Variants in IMMP2L observed in about 807,000 individuals in gnomAD.
IMMP2L encodes inner mitochondrial membrane peptidase subunit 2, also known as mitochondrial inner membrane protease subunit 2.
A neutral mutation model predicts 19.3 loss-of-function variants in IMMP2L; 18 were observed. The ratio of observed to expected loss-of-function variants is 0.93; its 90% CI spans 0.64 to 1.38. The LOEUF (loss-of-function observed/expected upper bound fraction) is 1.38. Among genes scored for constraint, IMMP2L ranks in the 40% most tolerant of loss-of-function variants. IMMP2L has a pLI of 0.00. For synonymous variants in IMMP2L, 76 were observed against 73.0 expected, an observed-to-expected ratio of 1.04 and a Z score of -0.21; for missense variants, 233 against 218.2, an observed-to-expected ratio of 1.07 and a Z score of -0.43.
chr7:111,007,682 CAT>C (rs1324757242), intron 3 of IMMP2L, among the ~76,000 whole-genome samples: 4 of 151,984 alleles, frequency 2.6e-5, no homozygotes, highest in African/African-American at 9.7e-5. Flanking sequence ...TGTATGTACA[CAT>C]ATAGACATGC....
At chr7:111,432,392 G>A (rs1226887496) in intron 3 of IMMP2L, among the ~76,000 whole-genome samples, 1 of 151,716 alleles carries the variant, frequency 6.6e-6, no homozygotes, top group African/African-American at 2.4e-5. Context: ...TTATCCTAGG[G>A]AAGCAAGGAT....
At chr7:111,360,394 A>G (rs948502909) in intron 3 of IMMP2L, among the ~76,000 whole-genome samples, 2 of 152,186 alleles carry the variant, frequency 1.3e-5, no homozygotes, top group African/African-American at 4.8e-5. Context: ...CCAAGTACAT[A>G]CCTGTGTGAG....
intron 3 of IMMP2L, among the ~76,000 whole-genome samples, chr7:111,430,227 A>G (rs1585066816): frequency 2.0e-5 from 3 of 152,008 alleles, no homozygotes; most frequent in East Asian, 1.9e-4. Flanking sequence ...ATTAATAACA[A>G]AGTAAAGAAA....
chr7:110,694,003 G>A (rs1338329993), intron 5 of IMMP2L, among the ~76,000 whole-genome samples: 3 of 152,092 alleles, frequency 2.0e-5, no homozygotes, highest in Non-Finnish European at 2.9e-5. Context: ...GAGGTTCTAT[G>A]TTTCCCACCT....
At position 111,414,305 on chromosome 7, in the gene IMMP2L, G is replaced by A. The variant is rs986660612; in HGVS notation, c.239+72933C>T. Among the ~76,000 whole-genome samples, 3 of 151,684 alleles carry A rather than the reference G, an allele frequency of 2.0e-5. 1 individual carries two copies. Among genetic ancestry groups the A allele is most frequent in the Non-Finnish European group, 4.4e-5 (3 of 67,996 alleles). On this transcript the variant is annotated intron_variant, in intron 3 of 5. Transcript: ENST00000405709. ...GTAGCTTCCTGAATCAACAAACTAG[G>A]GTGCATCCATGTAATCAAATATTAG... is the stretch of plus-strand genomic sequence containing the variant.
intron 3 of IMMP2L, among the ~76,000 whole-genome samples, chr7:111,134,080 CTT>C (rs1236287793): frequency 1.3e-5 from 2 of 151,916 alleles, no homozygotes; most frequent in African/African-American, 2.4e-5. Flanking sequence ...TGATTGATGT[CTT>C]TGATTTTAAG....
chr7:111,510,611 G>T (rs935890744), intron 2 of IMMP2L, among the ~76,000 whole-genome samples: 1 of 151,954 alleles, frequency 6.6e-6, no homozygotes, highest in African/African-American at 2.4e-5. Flanking sequence ...CATAACCCTG[G>T]AGACAATTTC....
At position 111,213,621 on chromosome 7, in the gene IMMP2L, A is replaced by G. The variant is rs1221163980; in HGVS notation, c.240-250056T>C. Among the ~76,000 whole-genome samples the G allele has an allele frequency of 6.6e-6, 1 of 152,046 alleles. No individual in the cohort carries two copies. The highest frequency in any genetic ancestry group is 1.9e-4 in the East Asian group (1 of 5,182). ...TTCCTCCCCTCTGAGGCCCACAAGA[A>G]CCCCAGACTCACCCAGACTCAAGAA... is the stretch of plus-strand genomic sequence containing the variant. On this transcript the variant is annotated intron_variant, in intron 3 of 5. Transcript: ENST00000405709. This position sits in a 1 kb window ranked among gnomAD's most constrained non-coding sequence, Gnocchi z 4.8.
intron 3 of IMMP2L, among the ~76,000 whole-genome samples, chr7:111,380,922 T>C (rs1263129531): frequency 6.6e-6 from 1 of 151,278 alleles, no homozygotes; most frequent in Non-Finnish European, 1.5e-5. Flanking sequence ...CTGAGTTGAT[T>C]CTAAGTGAAA....
chr7:111,390,527 A>C (rs924108383), intron 3 of IMMP2L: 2 of 152,150 alleles, frequency 1.3e-5, no homozygotes, highest in Admixed American at 1.3e-4. Flanking sequence ...GACAGGTATA[A>C]ATTTTTTTCA....
At position 110,729,944 on chromosome 7, in the gene IMMP2L, T is replaced by TAAA. The variant is rs1202649963; in HGVS notation, c.409-66226_409-66224dup. 1.6e-3 allele frequency among the ~76,000 whole-genome samples: 230 copies of TAAA among 141,116 alleles called. 1 individual carries two copies. The highest frequency in any genetic ancestry group is 5.4e-3 in the African/African-American group (218 of 40,530). The allele number at this position is 141,116 out of a possible 152,430, so 92.6% of individuals were successfully genotyped here. A position where few individuals can be genotyped will look rare whatever the true frequency, so the allele number is the denominator to read the frequency against. On this transcript the variant is annotated intron_variant, in intron 5 of 5. Coordinates refer to ENST00000405709, the MANE Select transcript of IMMP2L (RefSeq NM_032549.4). ...ATAAAAGTTGATTTTTTTTTTTTTT[T>TAAA]AAAAAGCAACGCATCTTTTATGAAG...
Position 110,757,737 on chromosome 7 carries a change from T to A in IMMP2L, c.409-94016A>T, listed in dbSNP as rs1798116288. Among the ~76,000 whole-genome samples the A allele has an allele frequency of 6.6e-6, 1 of 152,130 alleles. No individual in the cohort carries two copies. The highest frequency in any genetic ancestry group is 1.5e-5 in the Non-Finnish European group (1 of 68,012). On this transcript the variant is annotated intron_variant, in intron 5 of 5. Coordinates refer to ENST00000405709, the MANE Select transcript of IMMP2L (RefSeq NM_032549.4). The surrounding 1 kb of genome is among the most constrained non-coding windows in gnomAD (Gnocchi z 4.2). ...ACTCCCTCTGCTCCCTGCCCATACC[T>A]TTGTTAAATCTTTCTTAAATTTTTC...
At chr7:110,927,764 A>C (rs1301946486) in intron 4 of IMMP2L, among the ~76,000 whole-genome samples, 2 of 152,108 alleles carry the variant, frequency 1.3e-5, no homozygotes, top group African/African-American at 2.4e-5. Flanking sequence ...GAGTAAGATA[A>C]TAAATTTGTA....
chr7:111,533,137 G>C (rs1847557509), intron 1 of IMMP2L, among the ~76,000 whole-genome samples: 1 of 152,132 alleles, frequency 6.6e-6, no homozygotes, highest in African/African-American at 2.4e-5. Flanking sequence ...AGCTCATCCT[G>C]AGTGGCCTGG....
chr7:111,536,875 TATTA>T (rs1337279203), intron 1 of IMMP2L, among the ~76,000 whole-genome samples: 6 of 152,160 alleles, frequency 3.9e-5, no homozygotes, highest in African/African-American at 1.4e-4. Context: ...TACAATGTTT[TATTA>T]ATTATCATTA....
At chr7:111,424,877 C>G (rs542955051) in intron 3 of IMMP2L, among the ~76,000 whole-genome samples, 1 of 151,782 alleles carries the variant, frequency 6.6e-6, no homozygotes, top group South Asian at 2.1e-4. Context: ...TGTTGACTAC[C>G]AGGCAAAATT....
chr7:110,775,870 C>A (rs1311637668), intron 5 of IMMP2L, among the ~76,000 whole-genome samples: 1 of 151,654 alleles, frequency 6.6e-6, no homozygotes, highest in Non-Finnish European at 1.5e-5. Context: ...TATTCCATGC[C>A]CACGCATTAC....
At chr7:111,211,627 T>G (rs1000506593) in intron 3 of IMMP2L, among the ~76,000 whole-genome samples, 2 of 152,144 alleles carry the variant, frequency 1.3e-5, no homozygotes, top group African/African-American at 4.8e-5. Context: ...TGGGGATTAT[T>G]TGAACACAAA....
chr7:111,351,960 C>T (rs1251560562), intron 3 of IMMP2L, among the ~76,000 whole-genome samples: 1 of 152,164 alleles, frequency 6.6e-6, no homozygotes, highest in Non-Finnish European at 1.5e-5. Context: ...AAAAGATGTT[C>T]ATCTACTTAA....
Sources: allele counts gnomAD v4.1 joint callset (sites outside exome capture counted in the v4.1 genomes callset), GRCh38; gene constraint gnomAD v4.1.1; non-coding constraint Gnocchi (gnomAD v3.1); transcripts MANE v1.5; gene names NCBI Gene and HGNC (gene_info 2026-07-23, HGNC 2026-07-21).